CACNA1C: variants seen among roughly 807,000 people sequenced by gnomAD.
The protein encoded by CACNA1C is calcium voltage-gated channel subunit alpha1 C, also known as voltage-dependent L-type calcium channel subunit alpha-1C.
CACNA1C carries 30 observed loss-of-function variants against 229.0 expected under a neutral mutation model. The observed-to-expected ratio is 0.13, with a 90% CI of 0.10 to 0.18. The LOEUF (loss-of-function observed/expected upper bound fraction) is 0.18. Among genes scored for constraint, CACNA1C ranks in the 10% least tolerant of loss-of-function variants. CACNA1C has a pLI of 1.00. For missense variants in CACNA1C, 1,658 were observed against 2,845.0 expected, an observed-to-expected ratio of 0.58 and a Z score of 9.49; for synonymous variants, 1,114 against 1,132.5, an observed-to-expected ratio of 0.98 and a Z score of 0.33.
chr12:2,625,328 T>C (rs2085757273), intron 29 of CACNA1C, among the ~76,000 whole-genome samples: 1 of 152,208 alleles, frequency 6.6e-6, no homozygotes, highest in Non-Finnish European at 1.5e-5. Flanking sequence ...GAAAGTACAC[T>C]GTGGTTTCCG....
chr12:2,643,432 G>A (rs183630060), intron 30 of CACNA1C, among the ~76,000 whole-genome samples: 6 of 152,198 alleles, frequency 3.9e-5, no homozygotes, highest in South Asian at 4.2e-4. Flanking sequence ...TTTCAACTAC[G>A]CATACCTCAT....
chr12:2,379,396 C>T (rs1441338398), intron 3 of CACNA1C, among the ~76,000 whole-genome samples: 2 of 152,314 alleles, frequency 1.3e-5, no homozygotes, highest in East Asian at 3.9e-4. Context: ...GTTTTCTCTT[C>T]CACATTTTAG....
intron 5 of CACNA1C, among the ~76,000 whole-genome samples, chr12:2,469,779 TA>T: frequency 6.6e-6 from 1 of 152,282 alleles, no homozygotes; most frequent in South Asian, 2.1e-4. Context: ...GAAATACTTT[TA>T]AAAAAATAAT....
At chr12:2,141,819 T>A (rs1478948286) in intron 3 of CACNA1C, among the ~76,000 whole-genome samples, 1 of 151,108 alleles carries the variant, frequency 6.6e-6, no homozygotes, top group Non-Finnish European at 1.5e-5. Flanking sequence ...GGAAGTGGGG[T>A]GAGGCAGACT....
intron 3 of CACNA1C, among the ~76,000 whole-genome samples, chr12:2,170,795 C>G (rs1388071253): frequency 6.6e-6 from 1 of 152,230 alleles, no homozygotes; most frequent in Non-Finnish European, 1.5e-5. Flanking sequence ...CAGTACGTAC[C>G]ACAATACGCA....
intron 34 of CACNA1C, 149 bp downstream of exon 34, chr12:2,655,387 G>A: frequency 1.7e-6 from 1 of 583,558 alleles, no homozygotes; most frequent in Non-Finnish European, 3.0e-6. Context: ...AAGGAGGCCA[G>A]TGGGTCCATT....
At chr12:2,432,251 A>AG (rs1417376022) in intron 3 of CACNA1C, among the ~76,000 whole-genome samples, 1 of 152,208 alleles carries the variant, frequency 6.6e-6, no homozygotes, top group Non-Finnish European at 1.5e-5. Context: ...TAGCCCTTTT[A>AG]GGGGGCATGT....
rs550496799 is a variant in CACNA1C, at chr12:2,535,421, C to T, written c.1391-14522C>T. Among the ~76,000 whole-genome samples the T allele has an allele frequency of 4.3e-5, 6 of 138,794 alleles. No homozygotes were observed. The East Asian group carries it at 9.0e-4, about 21-fold the overall frequency. The allele number at this position is 138,794 out of a possible 152,430, so 91.1% of individuals were successfully genotyped here. On this transcript the variant is annotated intron_variant, in intron 9 of 46. Coordinates refer to ENST00000399655, the MANE Select transcript of CACNA1C (RefSeq NM_000719.7). ...GAAAAAGAAAAAGCAGCCAGAGGCC[C>T]GGCATGGTGGCTCCCGCCTGCAATC...
intron 8 of CACNA1C, among the ~76,000 whole-genome samples, chr12:2,505,620 G>A (rs1486208866): frequency 1.3e-5 from 2 of 152,140 alleles, no homozygotes; most frequent in Non-Finnish European, 2.9e-5. Flanking sequence ...AGCTATGATC[G>A]TGCCACTGCA....
chr12:2,007,889 G>C (rs555215497), intron 1 of CACNA1C, among the ~76,000 whole-genome samples: 3 of 151,962 alleles, frequency 2.0e-5, no homozygotes, highest in Non-Finnish European at 4.4e-5. Flanking sequence ...TTTTTCTTGT[G>C]GCACTTAGCT....
chr12:2,401,320 C>T (rs1190755969), intron 3 of CACNA1C, among the ~76,000 whole-genome samples: 1 of 152,198 alleles, frequency 6.6e-6, no homozygotes, highest in Non-Finnish European at 1.5e-5. Flanking sequence ...CCAGGGTGCC[C>T]ACAGTTAAGT....
chr12:2,059,611 G>C (rs1156275866), intron 1 of CACNA1C, among the ~76,000 whole-genome samples: 2 of 152,134 alleles, frequency 1.3e-5, no homozygotes, highest in Admixed American at 6.5e-5. Context: ...GTGTGTATAG[G>C]GGGCAAGGGG....
chr12:2,268,509 T>C (rs1220633318), intron 3 of CACNA1C, among the ~76,000 whole-genome samples: 2 of 152,118 alleles, frequency 1.3e-5, no homozygotes, highest in African/African-American at 4.8e-5. Context: ...CTGGGCAGGC[T>C]GGGGGTGTGG....
chr12:2,491,641 GGAGGAGGAGGAA>G (rs1239941068), intron 6 of CACNA1C, among the ~76,000 whole-genome samples: 11 of 151,446 alleles, frequency 7.3e-5, no homozygotes, highest in Non-Finnish European at 1.6e-4. Context: ...AGAAGGAGGA[GGAGGAGGAGGAA>G]GAGGAGGAGG....
intron 1 of CACNA1C, among the ~76,000 whole-genome samples, chr12:2,072,665 A>G (rs762165202): frequency 2.6e-5 from 4 of 152,050 alleles, no homozygotes; most frequent in African/African-American, 9.7e-5. Context: ...ATAATTTGGT[A>G]TATGAGGTAT....
At chr12:2,021,590 G>T (rs956336796) in intron 1 of CACNA1C, among the ~76,000 whole-genome samples, 1 of 152,066 alleles carries the variant, frequency 6.6e-6, no homozygotes, top group Non-Finnish European at 1.5e-5. Flanking sequence ...TGAGACAGGA[G>T]AATCGCTTGA....
intron 13 of CACNA1C, among the ~76,000 whole-genome samples, chr12:2,569,678 G>A (rs946084814): frequency 3.3e-5 from 5 of 152,118 alleles, no homozygotes; most frequent in African/African-American, 1.2e-4. Context: ...ACTACATTTT[G>A]TGTATTCATG....
At chr12:2,501,964 C>T (rs1259395275) in intron 7 of CACNA1C, among the ~76,000 whole-genome samples, 1 of 152,266 alleles carries the variant, frequency 6.6e-6, no homozygotes, top group Non-Finnish European at 1.5e-5. Flanking sequence ...TTCTGCAAAC[C>T]TCCATTGCTA....
At chr12:2,684,100 A>G (rs1024447088) in intron 43 of CACNA1C, among the ~76,000 whole-genome samples, 48 of 152,168 alleles carry the variant, frequency 3.2e-4, no homozygotes, top group African/African-American at 1.1e-3. Flanking sequence ...TGTGGGGAGA[A>G]TGGCAGCCAG....
Sources: allele counts gnomAD v4.1 joint callset (sites outside exome capture counted in the v4.1 genomes callset), GRCh38; gene constraint gnomAD v4.1.1; transcripts MANE v1.5; gene names NCBI Gene and HGNC (gene_info 2026-07-23, HGNC 2026-07-21).